NMS: variants seen among roughly 807,000 people sequenced by gnomAD.
NMS encodes the protein neuromedin-S.
NMS carries 30 observed loss-of-function variants against 32.2 expected under a neutral mutation model. That is an observed-to-expected ratio of 0.93 (90% CI 0.70 to 1.26). The LOEUF is 1.26. NMS is among the 50% of genes most tolerant of loss of function. The pLI is 0.00. For missense variants in NMS, 190 were observed against 186.3 expected (o/e 1.02, Z -0.12); for synonymous variants, 76 against 58.5 (o/e 1.30, Z -1.37).
At chr2:100,481,531 G>A (rs1474955877) in intron 8 of NMS, among the ~76,000 whole-genome samples, 1 of 152,070 alleles carries the variant, frequency 6.6e-6, no homozygotes, top group Non-Finnish European at 1.5e-5. Flanking sequence ...CTCCTTCCTG[G>A]GTGACAGAGA....
At chr2:100,477,098 C>T (rs72823232) in intron 3 of NMS, 146 bp from the exon 4 acceptor site, 13,739 of 669,088 alleles carry the variant, frequency 0.021, 283 homozygotes, top group South Asian at 0.059. Flanking sequence ...ATTAAATTTA[C>T]GTAATAATTT....
Position 100,479,384 on chromosome 2 carries a change from C to T in NMS, c.293C>T (p.Ala98Val), listed in dbSNP as rs1677172854. ...FPPVHPLMHL[A>V]AKLANRRMKR... ...CCAGTGCATCCTCTAATGCACCTGG[C>T]TGCCAAGCTCGCCAACAGGCGGATG... The change falls in exon 6 of 10, where the codon GCT (alanine) becomes GTT (valine). Residue 98 changes from alanine (A) to valine (V), a missense_variant. Coordinates refer to ENST00000376865, the MANE Select transcript of NMS (RefSeq NM_001011717.1). The T allele has an allele frequency of 6.2e-7, 1 of 1,611,504 alleles. No individual in the cohort carries two copies. The highest frequency in any genetic ancestry group is 8.5e-7 in the Non-Finnish European group (1 of 1,178,892).
rs771040874 is a variant in NMS at position 100,483,206 on chromosome 2, G to A, written c.450-46G>A. On this transcript the variant is annotated intron_variant, in intron 9 of 9. Transcript: ENST00000376865. ...TGCCCATGGGCTTTGTCTTGATTCCGAGAATGATTTGAACTGAGCAGTGCA... is the reference window on the plus strand; with the variant it reads ...TGCCCATGGGCTTTGTCTTGATTCCAAGAATGATTTGAACTGAGCAGTGCA... 3.0e-5 allele frequency: 48 copies of A among 1,576,206 alleles called. 1 individual carries two copies. Among genetic ancestry groups the A allele is most frequent in the Middle Eastern group, 1.7e-4 (1 of 5,940 alleles).
At chr2:100,476,013 A>AAAAAAAG (rs59241284) in intron 3 of NMS, among the ~76,000 whole-genome samples, 3 of 143,508 alleles carry the variant, frequency 2.1e-5, no homozygotes, top group Non-Finnish European at 4.5e-5. Context: ...AAAAAAAAAG[A>AAAAAAAG]AAAGAAAAGA....
At chr2:100,474,226 T>A (rs1677063336) in intron 3 of NMS, among the ~76,000 whole-genome samples, 1 of 152,144 alleles carries the variant, frequency 6.6e-6, no homozygotes. Context: ...TTTCAATGGA[T>A]ATAAAGTAAG....
At chr2:100,475,026 TCCCATGCTCAA>T (rs1411539240) in intron 3 of NMS, among the ~76,000 whole-genome samples, 2 of 152,094 alleles carry the variant, frequency 1.3e-5, no homozygotes, top group African/African-American at 2.4e-5. Context: ...AGTGTGGCTG[TCCCATGCTCAA>T]CCTGCAGTAT....
chr2:100,479,266 G>T, intron 5 of NMS, 87 bp from the exon 6 acceptor site: 1 of 905,700 alleles, frequency 1.1e-6, no homozygotes, highest in Non-Finnish European at 1.6e-6. Flanking sequence ...GAAGTGAGTA[G>T]AAAGAAATGC....
intron 3 of NMS, among the ~76,000 whole-genome samples, chr2:100,476,468 T>C (rs1199860018): frequency 2.0e-5 from 3 of 152,212 alleles, no homozygotes; most frequent in African/African-American, 4.8e-5. Flanking sequence ...TGCAGAAAGA[T>C]GTAATTGTAT....
intron 7 of NMS, 46 bp downstream of exon 7, chr2:100,480,577 C>A (rs562649290): frequency 1.9e-6 from 3 of 1,607,124 alleles, no homozygotes; most frequent in Non-Finnish European, 2.6e-6. Context: ...AAAGCCCTAC[C>A]CGAGAAGGGT....
chr2:100,481,135 G>A lies in NMS; in HGVS notation c.382G>A (p.Ala128Thr). The A allele has an allele frequency of 6.2e-7, 1 of 1,614,104 alleles. No individual in the cohort carries two copies. The highest frequency in any genetic ancestry group is 1.1e-5 in the South Asian group (1 of 91,084). ...AVDFTKKDHTATWGRPFFLFR... is the reference protein window; with the variant it reads ...AVDFTKKDHTTTWGRPFFLFR... Reference sequence around the variant, plus strand: ...TTTCTATATGTTGCAGGATCACACTGCGACCTGGGGACGACCCTTTTTCCT... The same window carrying A: ...TTTCTATATGTTGCAGGATCACACTACGACCTGGGGACGACCCTTTTTCCT... Residue 128 changes from alanine to threonine, a missense_variant, in exon 8 of 10, where the codon GCG becomes ACG. Ala to Thr is a moderately conservative substitution (Grantham distance 58). Coordinates refer to ENST00000376865, the MANE Select transcript of NMS (RefSeq NM_001011717.1).
chr2:100,481,070 G>T (rs1677207236), intron 7 of NMS, 56 bp from the exon 8 acceptor site: 6 of 1,582,774 alleles, frequency 3.8e-6, no homozygotes, highest in Non-Finnish European at 3.5e-6. Flanking sequence ...AGACATTTTT[G>T]AAGAACTTGT....
At chr2:100,476,495 A>C (rs181507269) in intron 3 of NMS, among the ~76,000 whole-genome samples, 1 of 152,350 alleles carries the variant, frequency 6.6e-6, no homozygotes, top group Admixed American at 6.5e-5. Context: ...TTATTATTAA[A>C]GTATTATTAA....
intron 5 of NMS, among the ~76,000 whole-genome samples, chr2:100,478,977 G>A (rs996633804): frequency 3.3e-4 from 50 of 152,140 alleles, no homozygotes; most frequent in African/African-American, 1.1e-3. Flanking sequence ...GGGTTACGGG[G>A]GCTGCCCTCC....
At chr2:100,473,245 T>C (rs978741668) in intron 2 of NMS, among the ~76,000 whole-genome samples, 1 of 152,166 alleles carries the variant, frequency 6.6e-6, no homozygotes, top group African/African-American at 2.4e-5. Context: ...AAATGGAATA[T>C]CGATGGATAT....
At chr2:100,483,124 G>T in intron 9 of NMS, 128 bp from the exon 10 acceptor site, 2 of 772,702 alleles carry the variant, frequency 2.6e-6, no homozygotes, top group Non-Finnish European at 4.3e-6. Flanking sequence ...AAAGCAACCT[G>T]GGCATTTATG....
At position 100,480,677 on chromosome 2, in the gene NMS, G is replaced by T; in HGVS notation, c.372+146G>T. On this transcript the variant is annotated intron_variant, in intron 7 of 9. Transcript: ENST00000376865. Reference sequence around the variant, plus strand: ...CCAAAGGACCCTGAGAATCTTTTGTGGCTGAGCAATTAAGTTCAGGTTTCC... The same window carrying T: ...CCAAAGGACCCTGAGAATCTTTTGTTGCTGAGCAATTAAGTTCAGGTTTCC... The T allele has an allele frequency of 3.9e-6, 3 of 763,588 alleles. No homozygotes were observed. The South Asian group carries it at 5.4e-5, about 14-fold the overall frequency. The allele number at this position is 763,588 out of a possible 1,614,324, so 47.3% of individuals were successfully genotyped here. A position where few individuals can be genotyped will look rare whatever the true frequency, so the allele number is the denominator to read the frequency against.
intron 6 of NMS, among the ~76,000 whole-genome samples, chr2:100,479,641 G>A (rs914979789): frequency 6.6e-5 from 10 of 152,182 alleles, no homozygotes; most frequent in Admixed American, 3.3e-4. Flanking sequence ...TGAAGGGCCC[G>A]GGGAGAGACC....
rs1269987553 is a variant in NMS, at chr2:100,480,489, C to T, written c.337-7C>T. On this transcript the variant is annotated splice_polypyrimidine_tract_variant and splice_region_variant and intron_variant, in intron 6 of 9. Coordinates refer to ENST00000376865, the MANE Select transcript of NMS (RefSeq NM_001011717.1). ...GTTGAATTAACCTGTGCCTCATTTC[C>T]TTGCAGGGCTCGGGGACTGCTGCAG... 1 of 1,613,642 alleles carries T rather than the reference C, an allele frequency of 6.2e-7. No individual in the cohort carries two copies. Among genetic ancestry groups the T allele is most frequent in the Admixed American group, 1.7e-5 (1 of 60,024 alleles).
At chr2:100,475,677 G>A (rs893573329) in intron 3 of NMS, among the ~76,000 whole-genome samples, 3 of 152,138 alleles carry the variant, frequency 2.0e-5, no homozygotes, top group Admixed American at 2.0e-4. Context: ...ACATAGATCA[G>A]TAAACTTTGA....
Sources: gnomAD v4.1 joint callset for allele counts (sites outside exome capture counted in the v4.1 genomes callset) on GRCh38, gnomAD v4.1.1 for gene constraint, MANE v1.5 for transcripts, NCBI Gene and HGNC (gene_info 2026-07-23, HGNC 2026-07-21) for gene names.